Variants in PARP3 observed in about 807,000 individuals in gnomAD.
PARP3 encodes the protein poly(ADP-ribose) polymerase family member 3.
Under a neutral mutation model 58.2 loss-of-function variants are expected in PARP3, and 46 were observed. The observed-to-expected ratio is 0.79, with a 90% CI of 0.62 to 1.01. PARP3 has a LOEUF of 1.01. Ranked by LOEUF, PARP3 falls within the 50% of genes least tolerant of loss-of-function variation. The pLI is 0.00. For missense variants in PARP3, 663 were observed against 683.9 expected, an observed-to-expected ratio of 0.97 and a Z score of 0.34; for synonymous variants, 252 against 266.4, an observed-to-expected ratio of 0.95 and a Z score of 0.53.
At position 51,944,989 on chromosome 3, in the gene PARP3, TC is replaced by T; in HGVS notation, c.635-4del. The stretch of plus-strand genomic sequence containing the variant: ...GGGGCTGAGTCTCCCCACTCCCCTG[TC>T]CCCCTAGATGTGAAGAAGATGCCCC... On this transcript the variant is annotated splice_region_variant and splice_polypyrimidine_tract_variant and intron_variant, in intron 5 of 10. Transcript: ENST00000398755. This position sits in a 1 kb window ranked among gnomAD's most constrained non-coding sequence, Gnocchi z 4.2. The T allele has an allele frequency of 6.2e-7, 1 of 1,613,056 alleles. No individual in the cohort carries two copies. Among genetic ancestry groups the T allele is most frequent in the Non-Finnish European group, 8.5e-7 (1 of 1,179,690 alleles).
chr3:51,943,231 G>A (rs1392373128), intron 1 of PARP3, 123 bp from the exon 2 acceptor site: 2 of 1,111,604 alleles, frequency 1.8e-6, no homozygotes, highest in Non-Finnish European at 1.3e-6. Flanking sequence ...GCCACCGAAG[G>A]GCCAACCCGG....
chr3:51,946,078 G>A lies in PARP3; in HGVS notation c.1099-88G>A, dbSNP rs1699669654. On this transcript the variant is annotated intron_variant, in intron 8 of 10. Transcript: ENST00000398755. This position sits in a 1 kb window ranked among gnomAD's most constrained non-coding sequence, Gnocchi z 4.6. ...ATGAGTGCGCGTGAGTAAGCAGAGG[G>A]ACACTAGGCCTTGGTCACAAGCAGC... 7.3e-7 allele frequency: 1 copy of A among 1,373,694 alleles called. No homozygotes were observed. Among genetic ancestry groups the A allele is most frequent in the Non-Finnish European group, 1.0e-6 (1 of 978,274 alleles). 85.1% of individuals were successfully genotyped at this position (1,373,694 alleles called of 1,614,324 possible).
intron 2 of PARP3, 41 bp downstream of exon 2, chr3:51,943,579 G>A: frequency 6.4e-7 from 1 of 1,566,172 alleles, no homozygotes; most frequent in Non-Finnish European, 8.7e-7. Flanking sequence ...CCTGCCCACT[G>A]ATAAGCACAA....
Position 51,945,162 on chromosome 3 carries a change from C to T in PARP3, c.799C>T (p.His267Tyr), listed in dbSNP as rs1559747758. The T allele has an allele frequency of 6.2e-7, 1 of 1,614,080 alleles. No individual in the cohort carries two copies. The highest frequency in any genetic ancestry group is 1.7e-5 in the Admixed American group (1 of 60,028). ...CACCGTCATCCCGCACAACTTCGGCCACAGCCAGCCCCCGCCCATCAATTC... is the reference window on the plus strand; with the variant it reads ...CACCGTCATCCCGCACAACTTCGGCTACAGCCAGCCCCCGCCCATCAATTC... ...FYTVIPHNFG[H>Y]SQPPPINSPE... Residue 267 changes from histidine (H) to tyrosine (Y), a missense_variant, in exon 6 of 11, where the codon CAC becomes TAC. His to Tyr is a moderately conservative substitution (Grantham distance 83, BLOSUM62 2). Around this residue, in one of 3 missense-constraint regions of PARP3, gnomAD observed 567 missense variants for 553.6 expected, o/e 1.02. Transcript: ENST00000398755.
Position 51,942,512 on chromosome 3 carries a change from C to A in PARP3, c.-199C>A. The A allele has an allele frequency of 1.4e-6, 1 of 689,774 alleles. No individual in the cohort carries two copies. Among genetic ancestry groups the A allele is most frequent in the Non-Finnish European group, 2.7e-6 (1 of 372,170 alleles). 42.7% of individuals were successfully genotyped at this position (689,774 alleles called of 1,614,324 possible). ...TCGGCCTGCCCCAGCCTCTGCTTCA[C>A]CCCACTGGTGGCCAAATAGCCGATG... On this transcript the variant is annotated 5_prime_UTR_variant, in exon 1 of 11. Transcript: ENST00000398755.
chr3:51,944,607 C>G lies in PARP3; in HGVS notation c.501+29C>G. On this transcript the variant is annotated intron_variant, in intron 4 of 10. Coordinates refer to ENST00000398755, the MANE Select transcript of PARP3 (RefSeq NM_001003931.4). The surrounding 1 kb of genome is among the most constrained non-coding windows in gnomAD (Gnocchi z 4.2). Reference sequence around the variant, plus strand: ...AGATGGCCAAGGAAGGTGGGCAGGCCCTGGACTGAGGGAGGGGACTCGTTG... The same window carrying G: ...AGATGGCCAAGGAAGGTGGGCAGGCGCTGGACTGAGGGAGGGGACTCGTTG... The G allele has an allele frequency of 6.2e-7, 1 of 1,609,428 alleles. No homozygotes were observed.
At position 51,946,285 on chromosome 3, in the gene PARP3, T is replaced by C; in HGVS notation, c.1218T>C (p.Gly406=). ...GGCTCCGCATCATGCCACATTCTGG[T>C]GGGCGTGTTGGCAAGGGCATCTACT... The part of the protein sequence containing the change: ...TSGLRIMPHS[G]GRVGKGIYFA... The change falls in exon 9 of 11, where the codon GGT becomes GGC. Residue 406 remains glycine (G), a synonymous_variant. Coordinates refer to ENST00000398755, the MANE Select transcript of PARP3 (RefSeq NM_001003931.4). This position sits in a 1 kb window ranked among gnomAD's most constrained non-coding sequence, Gnocchi z 4.6. The C allele has an allele frequency of 6.2e-7, 1 of 1,613,838 alleles. No individual in the cohort carries two copies. Among genetic ancestry groups the C allele is most frequent in the Non-Finnish European group, 8.5e-7 (1 of 1,179,878 alleles).
intron 2 of PARP3, 77 bp downstream of exon 2, chr3:51,943,615 C>T (rs1699597361): frequency 7.2e-7 from 1 of 1,393,622 alleles, no homozygotes; most frequent in Non-Finnish European, 9.8e-7. Flanking sequence ...CCCCTTAGGA[C>T]TCTGTTCTGG....
intron 1 of PARP3, 71 bp downstream of exon 1, chr3:51,942,779 C>A: frequency 6.5e-7 from 1 of 1,529,618 alleles, no homozygotes; most frequent in Non-Finnish European, 8.8e-7. Flanking sequence ...TGCCCTCTAT[C>A]AGTTCAAGGC....
chr3:51,942,744 G>C, intron 1 of PARP3, 36 bp downstream of exon 1: 1 of 1,552,964 alleles, frequency 6.4e-7, no homozygotes, highest in Non-Finnish European at 8.7e-7. Flanking sequence ...GGCAGGGCAG[G>C]GCAAGGCCTG....
intron 9 of PARP3, among the ~76,000 whole-genome samples, chr3:51,947,129 G>A (rs1440833996): frequency 2.0e-5 from 3 of 152,214 alleles, no homozygotes; most frequent in Non-Finnish European, 4.4e-5. Context: ...GGGATGGGGA[G>A]CGTGTGGGAA....
chr3:51,944,957 G>A lies in PARP3; in HGVS notation c.635-41G>A. On this transcript the variant is annotated intron_variant, in intron 5 of 10. Transcript: ENST00000398755. The surrounding 1 kb of genome is among the most constrained non-coding windows in gnomAD (Gnocchi z 4.2). ...GGGTGGCAGGGGCCTCAGGGTGGCAGGGCTGTGGGGCTGAGTCTCCCCACT... is the reference window on the plus strand; with the variant it reads ...GGGTGGCAGGGGCCTCAGGGTGGCAAGGCTGTGGGGCTGAGTCTCCCCACT... 1 of 1,613,084 alleles carries A rather than the reference G, an allele frequency of 6.2e-7. No homozygotes were observed. Among genetic ancestry groups the A allele is most frequent in the East Asian group, 2.2e-5 (1 of 44,870 alleles).
chr3:51,944,933 G>T lies in PARP3; in HGVS notation c.634+23G>T. On this transcript the variant is annotated intron_variant, in intron 5 of 10. Coordinates refer to ENST00000398755, the MANE Select transcript of PARP3 (RefSeq NM_001003931.4). This position sits in a 1 kb window ranked among gnomAD's most constrained non-coding sequence, Gnocchi z 4.2. ...TGGGTGAGGGGTGAGAGGCAGGCAG[G>T]GTGGCAGGGGCCTCAGGGTGGCAGG... is the stretch of plus-strand genomic sequence containing the variant. The T allele has an allele frequency of 6.2e-7, 1 of 1,613,332 alleles. No homozygotes were observed. Among genetic ancestry groups the T allele is most frequent in the Non-Finnish European group, 8.5e-7 (1 of 1,179,748 alleles).
chr3:51,942,740 G>T, intron 1 of PARP3, 32 bp downstream of exon 1: 1 of 1,553,720 alleles, frequency 6.4e-7, no homozygotes, highest in Non-Finnish European at 8.7e-7. Context: ...CCACGGCAGG[G>T]CAGGGCAAGG....
In PARP3 at chr3:51,943,398, G is replaced by GAGA. The variant is rs34377869; in HGVS notation, c.52_54dup (p.Lys18dup). ...GCCCTGGGTACAGACTGAGGGCCCT[G>GAGA]AGAAGAAGAAGGGCCGGCAGGCAGG... On this transcript the variant is annotated inframe_insertion, in exon 2 of 11. Coordinates refer to ENST00000398755, the MANE Select transcript of PARP3 (RefSeq NM_001003931.4). The GAGA allele has an allele frequency of 9.4e-6, 15 of 1,601,958 alleles. No homozygotes were observed. Among genetic ancestry groups the GAGA allele is most frequent in the Middle Eastern group, 1.7e-4 (1 of 6,038 alleles).
chr3:51,946,468 G>T lies in PARP3; in HGVS notation c.1276+125G>T. The T allele has an allele frequency of 1.3e-6, 1 of 785,326 alleles. No individual in the cohort carries two copies. 48.6% of individuals were successfully genotyped at this position (785,326 alleles called of 1,614,324 possible). On this transcript the variant is annotated intron_variant, in intron 9 of 10. Coordinates refer to ENST00000398755, the MANE Select transcript of PARP3 (RefSeq NM_001003931.4). This position sits in a 1 kb window ranked among gnomAD's most constrained non-coding sequence, Gnocchi z 4.6. ...AATCCTTTAATGGTTAATGACTACAGTGCTCAGTGGGCTGTCCTGGGCTTT... is the reference window on the plus strand; with the variant it reads ...AATCCTTTAATGGTTAATGACTACATTGCTCAGTGGGCTGTCCTGGGCTTT...
At chr3:51,943,900 AG>A (rs1699605327) in intron 2 of PARP3, among the ~76,000 whole-genome samples, 188 bp from the exon 3 acceptor site, 1 of 131,678 alleles carries the variant, frequency 7.6e-6, no homozygotes, top group South Asian at 2.5e-4. Context: ...CCTCCATGTC[AG>A]GGTTTAGCCA....
Position 51,944,923 on chromosome 3 carries a change from A to G in PARP3, c.634+13A>G, listed in dbSNP as rs1166332856. 3.1e-6 allele frequency: 5 copies of G among 1,613,618 alleles called. No homozygotes were observed. Among genetic ancestry groups the G allele is most frequent in the Non-Finnish European group, 4.2e-6 (5 of 1,179,882 alleles). On this transcript the variant is annotated intron_variant, in intron 5 of 10. Transcript: ENST00000398755. The surrounding 1 kb of genome is among the most constrained non-coding windows in gnomAD (Gnocchi z 4.2). The stretch of plus-strand genomic sequence containing the variant: ...CTCATGGACCTGGGTGAGGGGTGAG[A>G]GGCAGGCAGGGTGGCAGGGGCCTCA...
At chr3:51,947,610 T>G (rs1373281692) in intron 9 of PARP3, 130 bp from the exon 10 acceptor site, 5 of 926,874 alleles carry the variant, frequency 5.4e-6, no homozygotes, top group Non-Finnish European at 8.2e-6. Context: ...GGAGTGACGG[T>G]TGGGGGAGAG....
Sources: gnomAD v4.1 joint callset for allele counts (sites outside exome capture counted in the v4.1 genomes callset) on GRCh38, gnomAD v4.1.1 for gene constraint, gnomAD v4.1.1 regional missense constraint, Gnocchi (gnomAD v3.1) non-coding constraint, MANE v1.5 for transcripts, NCBI Gene and HGNC (gene_info 2026-07-23, HGNC 2026-07-21) for gene names.